The following GPC6 variants were observed in gnomAD, a reference collection of about 807,000 sequenced individuals.
The protein encoded by GPC6 is glypican-6.
Under a neutral mutation model 55.2 loss-of-function variants are expected in GPC6, and 14 were observed. The ratio of observed to expected loss-of-function variants is 0.25; its 90% CI spans 0.17 to 0.40. The LOEUF (loss-of-function observed/expected upper bound fraction) is 0.40, where lower values mean the gene tolerates loss of function less well. Among genes scored for constraint, GPC6 ranks in the 10% least tolerant of loss-of-function variants. GPC6 has a pLI of 1.00. For synonymous variants in GPC6, 278 were observed against 259.6 expected (o/e 1.07, Z -0.68); for missense variants, 641 against 708.5 (o/e 0.90, Z 1.08).
chr13:94,059,946 T>C (rs1040584855), intron 4 of GPC6, among the ~76,000 whole-genome samples: 2 of 152,126 alleles, frequency 1.3e-5, no homozygotes, highest in Admixed American at 6.6e-5. Context: ...TGCTCCCAGC[T>C]GCTAAAGATC....
At chr13:94,216,903 A>G (rs1890242407) in intron 4 of GPC6, among the ~76,000 whole-genome samples, 1 of 152,192 alleles carries the variant, frequency 6.6e-6, no homozygotes, top group South Asian at 2.1e-4. Flanking sequence ...CTTATGTAGA[A>G]GCTGAAGAAT....
At chr13:93,398,276 C>T (rs1332699226) in intron 1 of GPC6, among the ~76,000 whole-genome samples, 1 of 152,164 alleles carries the variant, frequency 6.6e-6, no homozygotes, top group Non-Finnish European at 1.5e-5. Flanking sequence ...ATTAAGCTTT[C>T]CTTGCAGAGT....
chr13:93,398,938 A>T (rs1030444680), intron 1 of GPC6, among the ~76,000 whole-genome samples: 1 of 152,138 alleles, frequency 6.6e-6, no homozygotes, highest in Non-Finnish European at 1.5e-5. Flanking sequence ...CATGATGCCA[A>T]TCTTCTTTTA....
intron 3 of GPC6, among the ~76,000 whole-genome samples, chr13:93,930,263 TGGAAACGAAAG>T (rs1878093535): frequency 5.7e-5 from 8 of 139,400 alleles, no homozygotes; most frequent in African/African-American, 2.2e-4. Context: ...TAAAGGTTAT[TGGAAACGAAAG>T]GTTTTTTTTT....
At chr13:94,031,087 T>C (rs549794536) in intron 4 of GPC6, among the ~76,000 whole-genome samples, 18 of 150,506 alleles carry the variant, frequency 1.2e-4, no homozygotes, top group Admixed American at 7.3e-4. Flanking sequence ...TGTGCGTGTG[T>C]GTGTGCGTGT....
chr13:93,357,479 A>G (rs1017042611), intron 1 of GPC6, among the ~76,000 whole-genome samples: 4 of 152,194 alleles, frequency 2.6e-5, no homozygotes, highest in Non-Finnish European at 1.5e-5. Context: ...GCTTGACTCC[A>G]TCTCCATGGA....
At chr13:94,373,893 G>T (rs1879709168) in intron 6 of GPC6, among the ~76,000 whole-genome samples, 3 of 152,086 alleles carry the variant, frequency 2.0e-5, no homozygotes. Context: ...AGCCAGAAGA[G>T]AGTGGGGGCC....
At chr13:94,286,522 A>T in intron 5 of GPC6, 43 bp downstream of exon 5, 9 of 1,573,934 alleles carry the variant, frequency 5.7e-6, no homozygotes, top group Non-Finnish European at 7.0e-6. Context: ...TGTATGTTAT[A>T]CAGGTGCAAT....
At chr13:94,240,002 T>C (rs1287524625) in intron 4 of GPC6, among the ~76,000 whole-genome samples, 1 of 152,124 alleles carries the variant, frequency 6.6e-6, no homozygotes, top group East Asian at 1.9e-4. Context: ...TCTTGAAGGC[T>C]GAGAGTGAAG....
intron 4 of GPC6, among the ~76,000 whole-genome samples, chr13:94,081,431 G>T (rs1189662062): frequency 6.6e-6 from 1 of 152,176 alleles, no homozygotes; most frequent in South Asian, 2.1e-4. Flanking sequence ...CCACAAAGGA[G>T]TATAACAACA....
At chr13:93,314,752 TGTGTGC>T (rs1409617211) in intron 1 of GPC6, among the ~76,000 whole-genome samples, 1 of 148,384 alleles carries the variant, frequency 6.7e-6, no homozygotes, top group East Asian at 2.0e-4. Context: ...TGTGTGTGTG[TGTGTGC>T]ACGCATGTGC....
intron 6 of GPC6, among the ~76,000 whole-genome samples, chr13:94,359,088 A>G (rs1384860806): frequency 2.6e-5 from 4 of 152,164 alleles, no homozygotes; most frequent in African/African-American, 9.7e-5. Context: ...AGGCACTTGG[A>G]TAAATAACAC....
intron 1 of GPC6, among the ~76,000 whole-genome samples, chr13:93,322,526 A>G (rs1322152954): frequency 7.7e-6 from 1 of 130,570 alleles, no homozygotes; most frequent in East Asian, 2.4e-4. Flanking sequence ...AACCTCTGCC[A>G]CTTGGGTTCA....
chr13:93,820,081 G>A (rs1241926776), intron 2 of GPC6, among the ~76,000 whole-genome samples: 1 of 152,150 alleles, frequency 6.6e-6, no homozygotes, highest in African/African-American at 2.4e-5. Flanking sequence ...CTCTTCAGCT[G>A]ACTGTAGTGG....
intron 3 of GPC6, among the ~76,000 whole-genome samples, chr13:93,875,289 C>A (rs1889255723): frequency 6.6e-6 from 1 of 151,988 alleles, no homozygotes; most frequent in Admixed American, 6.6e-5. Flanking sequence ...CTTCTATTTA[C>A]CCGCAAAATA....
In GPC6 at chr13:93,845,141, T is replaced by G. The variant is rs916641876; in HGVS notation, c.711+14596T>G. 9.9e-5 allele frequency among the ~76,000 whole-genome samples: 15 copies of G among 152,170 alleles called. 1 individual carries two copies. Among genetic ancestry groups the G allele is most frequent in the African/African-American group, 3.6e-4 (15 of 41,512 alleles). On this transcript the variant is annotated intron_variant, in intron 3 of 8. Transcript: ENST00000377047. The stretch of plus-strand genomic sequence containing the variant: ...TTGGCGATGCGGGCTCTTTTTTGCT[T>G]CCATATGAACTTTAAAGTAGTTTTT...
chr13:93,965,095 A>T (rs1879967368), intron 3 of GPC6, among the ~76,000 whole-genome samples: 1 of 148,180 alleles, frequency 6.7e-6, no homozygotes, highest in Admixed American at 6.8e-5. Context: ...TTTGGGAAAC[A>T]CTATGAGTTT....
At chr13:93,436,309 T>C (rs1877571638) in intron 1 of GPC6, among the ~76,000 whole-genome samples, 1 of 152,208 alleles carries the variant, frequency 6.6e-6, no homozygotes, top group Admixed American at 6.5e-5. Flanking sequence ...CTTTCCAATG[T>C]ATTTATAGCT....
rs544408792 is a variant in GPC6 at position 94,207,936 on chromosome 13, A to G, written c.878-78413A>G. Among the ~76,000 whole-genome samples, 13 of 152,252 alleles carry G rather than the reference A, an allele frequency of 8.5e-5. No homozygotes were observed. The South Asian group carries it at 2.7e-3, about 32-fold the overall frequency. On this transcript the variant is annotated intron_variant, in intron 4 of 8. Coordinates refer to ENST00000377047, the MANE Select transcript of GPC6 (RefSeq NM_005708.5). ...GCACCAACTTCACATTATTTTTACAATTTATTATTTGAACGATCCCATTTG... is the reference window on the plus strand; with the variant it reads ...GCACCAACTTCACATTATTTTTACAGTTTATTATTTGAACGATCCCATTTG...
Sources: gnomAD v4.1 joint callset for allele counts (sites outside exome capture counted in the v4.1 genomes callset) on GRCh38, gnomAD v4.1.1 for gene constraint, MANE v1.5 for transcripts, NCBI Gene and HGNC (gene_info 2026-07-23, HGNC 2026-07-21) for gene names.